ADAMTS18: variants seen among roughly 807,000 people sequenced by gnomAD.
ADAMTS18 encodes ADAM metallopeptidase with thrombospondin type 1 motif 18, also known as A disintegrin and metalloproteinase with thrombospondin motifs 18.
In ADAMTS18, 157 loss-of-function variants were observed where a neutral mutation model predicts 165.9. That is an observed-to-expected ratio of 0.95 (90% CI 0.83 to 1.08). The LOEUF (loss-of-function observed/expected upper bound fraction) is 1.08, where lower values mean the gene tolerates loss of function less well. ADAMTS18 is among the 50% of genes least tolerant of loss of function. The pLI, the probability that ADAMTS18 is intolerant of heterozygous loss-of-function variation, is 0.00. For synonymous variants in ADAMTS18, 782 were observed against 578.2 expected, an observed-to-expected ratio of 1.35 and a Z score of -5.06; for missense variants, 2,040 against 1,534.0, an observed-to-expected ratio of 1.33 and a Z score of -5.51.
chr16:77,356,034 C>T lies in ADAMTS18; in HGVS notation c.1366G>A (p.Ala456Thr). 1 of 1,614,016 alleles carries T rather than the reference C, an allele frequency of 6.2e-7. No homozygotes were observed. ...GTGGGAGACATGATATTGCCTTCAG[C>T]CTTTCTGCAGGGATTCCCTTCTCCA... is the stretch of plus-strand genomic sequence containing the variant. ...HDGEGNPCRK[A>T]EGNIMSPTLT... is the part of the protein sequence containing the mutation. The change falls in exon 9 of 23, where the codon GCT (alanine) becomes ACT (threonine). Residue 456 changes from alanine to threonine, a missense_variant. Transcript: ENST00000282849.
chr16:77,349,211 T>G (rs1597154186), intron 10 of ADAMTS18, among the ~76,000 whole-genome samples: 1 of 152,178 alleles, frequency 6.6e-6, no homozygotes, highest in East Asian at 1.9e-4. Flanking sequence ...TTAAGCCAAA[T>G]AGAAAAGTCA....
At chr16:77,421,248 C>T (rs2057598530) in intron 3 of ADAMTS18, among the ~76,000 whole-genome samples, 1 of 152,164 alleles carries the variant, frequency 6.6e-6, no homozygotes, top group African/African-American at 2.4e-5. Context: ...AGCTTGCTGT[C>T]CAGACAGAAC....
intron 20 of ADAMTS18, among the ~76,000 whole-genome samples, chr16:77,292,608 C>CGTGTGCTTTCTCTGCGTGTGCT (rs2055385021): frequency 6.6e-6 from 1 of 152,168 alleles, no homozygotes; most frequent in African/African-American, 2.4e-5. Context: ...AGTCACTTGA[C>CGTGTGCTTTCTCTGCGTGTGCT]GTGTGCTTTC....
intron 10 of ADAMTS18, among the ~76,000 whole-genome samples, chr16:77,349,055 T>C (rs1467381759): frequency 6.6e-6 from 1 of 152,186 alleles, no homozygotes; most frequent in Non-Finnish European, 1.5e-5. Context: ...TGCAGTAAAC[T>C]TGGTATGTTA....
At position 77,335,855 on chromosome 16, in the gene ADAMTS18, G is replaced by A; in HGVS notation, c.1760C>T (p.Pro587Leu). The A allele has an allele frequency of 6.2e-7, 1 of 1,614,154 alleles. No individual in the cohort carries two copies. The highest frequency in any genetic ancestry group is 1.1e-5 in the South Asian group (1 of 91,084). The part of the protein sequence containing the change: ...CVKFGELGPR[P>L]IHGQWSAWSK... ...CCAGGCGGACCACTGGCCGTGGATG[G>A]GCCGGGGCCCGAGCTCCCCAAACTT... The change falls in exon 12 of 23, where the codon CCC becomes CTC. Residue 587 changes from proline to leucine, a missense_variant. Coordinates refer to ENST00000282849, the MANE Select transcript of ADAMTS18 (RefSeq NM_199355.4).
intron 3 of ADAMTS18, among the ~76,000 whole-genome samples, chr16:77,413,933 C>A (rs1468905262): frequency 6.6e-6 from 1 of 151,748 alleles, no homozygotes; most frequent in African/African-American, 2.4e-5. Flanking sequence ...TCAAAAGAAA[C>A]ATTTAATTTA....
At chr16:77,395,254 T>A (rs1369389478) in intron 3 of ADAMTS18, among the ~76,000 whole-genome samples, 5 of 152,160 alleles carry the variant, frequency 3.3e-5, no homozygotes. Context: ...AGGGAGCGTT[T>A]GTAGGGGAGG....
chr16:77,383,625 C>T (rs547914679), intron 3 of ADAMTS18, among the ~76,000 whole-genome samples: 1 of 152,192 alleles, frequency 6.6e-6, no homozygotes, highest in Admixed American at 6.5e-5. Context: ...CTCACTGCAA[C>T]CTCCACCTCC....
chr16:77,283,828 G>C lies in ADAMTS18; in HGVS notation c.*128C>G, dbSNP rs2055194944. On this transcript the variant is annotated 3_prime_UTR_variant, in exon 23 of 23. Coordinates refer to ENST00000282849, the MANE Select transcript of ADAMTS18 (RefSeq NM_199355.4). ...GCAACCTGTCTGTTCCTCAGAGCAG[G>C]CTCCTTCATCACAGCGGCAGCTCAC... is the stretch of plus-strand genomic sequence containing the variant. 9.5e-6 allele frequency: 7 copies of C among 737,558 alleles called. No homozygotes were observed. In the South Asian group the frequency reaches 1.0e-4, roughly 11 times the overall value. 45.7% of individuals were successfully genotyped at this position (737,558 alleles called of 1,614,324 possible).
In ADAMTS18 at chr16:77,335,917, C is replaced by T. The variant is rs745410510; in HGVS notation, c.1711-13G>A. ...CTTGCCGACACCACTGTGAAAAGAA[C>T]GTGTAAGATGGTTCCCGTCAGAGAC... is the stretch of plus-strand genomic sequence containing the variant. On this transcript the variant is annotated splice_polypyrimidine_tract_variant and intron_variant, in intron 11 of 22. Coordinates refer to ENST00000282849, the MANE Select transcript of ADAMTS18 (RefSeq NM_199355.4). The T allele has an allele frequency of 4.0e-5, 65 of 1,614,022 alleles. No homozygotes were observed. Among genetic ancestry groups the T allele is most frequent in the Admixed American group, 8.3e-5 (5 of 60,004 alleles).
chr16:77,384,206 A>G (rs1226624658), intron 3 of ADAMTS18, among the ~76,000 whole-genome samples: 1 of 152,232 alleles, frequency 6.6e-6, no homozygotes, highest in Non-Finnish European at 1.5e-5. Flanking sequence ...GCAAGACTTC[A>G]ACGTCTACAT....
chr16:77,400,003 C>A (rs1191184289), intron 3 of ADAMTS18, among the ~76,000 whole-genome samples: 2 of 152,100 alleles, frequency 1.3e-5, no homozygotes, highest in Admixed American at 6.5e-5. Context: ...AGCAAAAAGG[C>A]TTTCAAGGAT....
At chr16:77,298,599 C>T (rs187902967) in intron 17 of ADAMTS18, among the ~76,000 whole-genome samples, 7 of 152,136 alleles carry the variant, frequency 4.6e-5, no homozygotes, top group Admixed American at 4.6e-4. Context: ...TGACACCAGC[C>T]TGGGCAACAT....
chr16:77,416,824 T>C (rs748200086), intron 3 of ADAMTS18, among the ~76,000 whole-genome samples: 1 of 152,122 alleles, frequency 6.6e-6, no homozygotes, highest in South Asian at 2.1e-4. Context: ...GAAAGAGTCA[T>C]TAGAGAAGAA....
chr16:77,407,141 A>G (rs1432747968), intron 3 of ADAMTS18, among the ~76,000 whole-genome samples: 1 of 152,114 alleles, frequency 6.6e-6, no homozygotes, highest in East Asian at 1.9e-4. Context: ...ACAATTGATA[A>G]GTGAGAGTGT....
chr16:77,285,611 TGTAA>T (rs1030347293), intron 22 of ADAMTS18, among the ~76,000 whole-genome samples: 2 of 152,282 alleles, frequency 1.3e-5, no homozygotes, highest in African/African-American at 2.4e-5. Context: ...ATCCCCTTCA[TGTAA>T]GTAAGTCAGG....
chr16:77,291,538 G>A, intron 20 of ADAMTS18, 60 bp from the exon 21 acceptor site: 1 of 1,543,694 alleles, frequency 6.5e-7, no homozygotes, highest in Non-Finnish European at 8.9e-7. Flanking sequence ...CTTCTGGACA[G>A]AGGCAGTTTG....
chr16:77,342,776 T>A (rs1223818197), intron 10 of ADAMTS18, among the ~76,000 whole-genome samples: 1 of 152,220 alleles, frequency 6.6e-6, no homozygotes, highest in Non-Finnish European at 1.5e-5. Flanking sequence ...GAATTAAAGT[T>A]ACAGATGCAA....
At chr16:77,425,150 G>T (rs996305465) in intron 3 of ADAMTS18, among the ~76,000 whole-genome samples, 1 of 152,184 alleles carries the variant, frequency 6.6e-6, no homozygotes, top group African/African-American at 2.4e-5. Context: ...TGGAGAATGG[G>T]TCACTGCAGT....
Sources: allele counts gnomAD v4.1 joint callset (sites outside exome capture counted in the v4.1 genomes callset), GRCh38; gene constraint gnomAD v4.1.1; transcripts MANE v1.5; gene names NCBI Gene and HGNC (gene_info 2026-07-23, HGNC 2026-07-21).